The following PTPRD variants were observed in gnomAD, a reference collection of about 807,000 sequenced individuals.
PTPRD encodes the protein protein tyrosine phosphatase receptor type D.
PTPRD carries 34 observed loss-of-function variants against 214.5 expected under a neutral mutation model. The ratio of observed to expected loss-of-function variants is 0.16; its 90% CI spans 0.12 to 0.21. The LOEUF (loss-of-function observed/expected upper bound fraction) is 0.21, where lower values mean the gene tolerates loss of function less well. Among genes scored for constraint, PTPRD ranks in the 10% least tolerant of loss-of-function variants. The probability of loss-of-function intolerance (pLI) is 1.00; values close to 1 mark genes in which losing one functional copy is unlikely to be tolerated. For missense variants in PTPRD, 2,545 were observed against 2,398.7 expected (o/e 1.06, Z -1.27); for synonymous variants, 1,128 against 845.7 (o/e 1.33, Z -5.79).
intron 11 of PTPRD, among the ~76,000 whole-genome samples, chr9:8,859,259 A>G (rs1018851781): frequency 1.3e-5 from 2 of 152,182 alleles, no homozygotes; most frequent in African/African-American, 2.4e-5. Context: ...AGGACACTAT[A>G]ACACCTCTTC....
At chr9:10,461,187 A>G (rs1217331111) in intron 2 of PTPRD, among the ~76,000 whole-genome samples, 2 of 150,404 alleles carry the variant, frequency 1.3e-5, no homozygotes, top group African/African-American at 2.5e-5. Flanking sequence ...TCAAAACTCT[A>G]TATATCCTCA....
At chr9:9,306,949 A>G (rs1957337602) in intron 9 of PTPRD, among the ~76,000 whole-genome samples, 1 of 152,202 alleles carries the variant, frequency 6.6e-6, no homozygotes. Flanking sequence ...GGAAGAGACA[A>G]ATCTTATTTG....
intron 3 of PTPRD, among the ~76,000 whole-genome samples, chr9:10,217,960 T>C (rs192740674): frequency 2.6e-5 from 4 of 152,074 alleles, no homozygotes; most frequent in Non-Finnish European, 4.4e-5. Flanking sequence ...TAAAGGCCTA[T>C]GACATGACAC....
chr9:9,475,011 A>G (rs150354689), intron 8 of PTPRD, among the ~76,000 whole-genome samples: 17 of 152,260 alleles, frequency 1.1e-4, no homozygotes, highest in Admixed American at 5.2e-4. Context: ...CAGCCAATGT[A>G]GATGAAGTAC....
At chr9:10,607,383 A>G (rs1386040801) in intron 2 of PTPRD, among the ~76,000 whole-genome samples, 1 of 151,914 alleles carries the variant, frequency 6.6e-6, no homozygotes, top group African/African-American at 2.4e-5. Flanking sequence ...TGATTATTAT[A>G]CATACACTTT....
intron 3 of PTPRD, among the ~76,000 whole-genome samples, chr9:10,053,884 G>A (rs2097577382): frequency 1.3e-5 from 2 of 151,958 alleles, no homozygotes; most frequent in Non-Finnish European, 2.9e-5. Flanking sequence ...TCATCCTACT[G>A]AGTAGCGGGG....
chr9:9,436,991 C>T (rs575146699), intron 8 of PTPRD, among the ~76,000 whole-genome samples: 19 of 152,190 alleles, frequency 1.2e-4, no homozygotes, highest in Non-Finnish European at 2.2e-4. Flanking sequence ...CTTCACCCTT[C>T]TATCCGTTGT....
chr9:8,437,226 G>A (rs1419788753), intron 34 of PTPRD: 20 of 1,521,696 alleles, frequency 1.3e-5, no homozygotes, highest in East Asian at 4.9e-5. Context: ...CAGGGTAACC[G>A]GAATCATCTG....
chr9:8,474,891 T>G (rs920610017), intron 30 of PTPRD, among the ~76,000 whole-genome samples: 2 of 152,222 alleles, frequency 1.3e-5, no homozygotes, highest in African/African-American at 2.4e-5. Flanking sequence ...CTTGAATTGT[T>G]TTCAATCTTC....
chr9:8,896,849 A>C (rs1452171128), intron 11 of PTPRD, among the ~76,000 whole-genome samples: 1 of 152,194 alleles, frequency 6.6e-6, no homozygotes, highest in Non-Finnish European at 1.5e-5. Flanking sequence ...TTTCATCAGA[A>C]ATGAATCCCA....
chr9:9,449,002 T>C (rs2091342708), intron 8 of PTPRD, among the ~76,000 whole-genome samples: 1 of 152,114 alleles, frequency 6.6e-6, no homozygotes, highest in African/African-American at 2.4e-5. Context: ...CACTTTCAGC[T>C]TCGCAAAGCA....
Position 9,029,342 on chromosome 9 carries a change from G to A in PTPRD, c.-142-10607C>T, listed in dbSNP as rs542115506. Among the ~76,000 whole-genome samples the A allele has an allele frequency of 7.2e-5, 11 of 151,924 alleles. No homozygotes were observed. In the East Asian group the frequency reaches 2.1e-3, roughly 30 times the overall value. On this transcript the variant is annotated intron_variant, in intron 10 of 45. Transcript: ENST00000381196. ...AAGAAAAGGAATCAGACTAAAAAGT[G>A]CTGATTGGTTAGGAGGGGCTAGAGA...
intron 8 of PTPRD, among the ~76,000 whole-genome samples, chr9:9,467,440 A>T (rs565729355): frequency 6.6e-6 from 1 of 151,388 alleles, no homozygotes; most frequent in African/African-American, 2.4e-5. Context: ...TTCAAAAAAT[A>T]GCAAGGCGGG....
At chr9:10,460,797 A>G (rs1386399943) in intron 2 of PTPRD, among the ~76,000 whole-genome samples, 1 of 152,162 alleles carries the variant, frequency 6.6e-6, no homozygotes, top group Non-Finnish European at 1.5e-5. Context: ...CTAGTAGAGA[A>G]CATAGAGGAA....
chr9:10,026,458 GT>G (rs1471550413), intron 4 of PTPRD, among the ~76,000 whole-genome samples: 4 of 152,154 alleles, frequency 2.6e-5, no homozygotes, highest in Non-Finnish European at 5.9e-5. Context: ...GAAAAGTCAA[GT>G]TGCCTGCCTA....
intron 11 of PTPRD, among the ~76,000 whole-genome samples, chr9:8,755,989 A>C (rs557466198): frequency 6.6e-6 from 1 of 152,352 alleles, no homozygotes; most frequent in South Asian, 2.1e-4. Flanking sequence ...AATGATAAAC[A>C]TTAGTATGTG....
chr9:9,382,016 G>C (rs2062452051), intron 9 of PTPRD, among the ~76,000 whole-genome samples: 1 of 151,966 alleles, frequency 6.6e-6, no homozygotes, highest in South Asian at 2.1e-4. Flanking sequence ...ATGAACTCAG[G>C]ACATCTTTCC....
intron 2 of PTPRD, among the ~76,000 whole-genome samples, chr9:10,399,542 C>A (rs867727171): frequency 6.6e-6 from 1 of 151,932 alleles, no homozygotes. Context: ...TTTTAAGAGG[C>A]TTCATGAAGC....
chr9:8,734,234 C>A (rs115804274), intron 11 of PTPRD, among the ~76,000 whole-genome samples: 2,808 of 152,296 alleles, frequency 0.018, 89 homozygotes, highest in African/African-American at 0.063. Flanking sequence ...TTTGCTTATG[C>A]CACCTTTTGG....
Sources: gnomAD v4.1 joint callset for allele counts (sites outside exome capture counted in the v4.1 genomes callset) on GRCh38, gnomAD v4.1.1 for gene constraint, MANE v1.5 for transcripts, NCBI Gene and HGNC (gene_info 2026-07-23, HGNC 2026-07-21) for gene names.